Variants in NSD3 observed in about 807,000 individuals in gnomAD.
NSD3 encodes the protein nuclear receptor binding SET domain protein 3.
NSD3 carries 24 observed loss-of-function variants against 160.8 expected under a neutral mutation model. The observed-to-expected ratio is 0.15, with a 90% CI of 0.11 to 0.21. The LOEUF (loss-of-function observed/expected upper bound fraction) is 0.21, where lower values mean the gene tolerates loss of function less well. Ranked by LOEUF, NSD3 falls within the 10% of genes least tolerant of loss-of-function variation. The probability of loss-of-function intolerance (pLI) is 1.00; values close to 1 mark genes in which losing one functional copy is unlikely to be tolerated. For synonymous variants in NSD3, 520 were observed against 600.0 expected, an observed-to-expected ratio of 0.87 and a Z score of 1.95; for missense variants, 1,157 against 1,735.9, an observed-to-expected ratio of 0.67 and a Z score of 5.93.
At position 38,329,382 on chromosome 8, in the gene NSD3, G is replaced by T. The variant is rs760215302; in HGVS notation, c.1577C>A (p.Thr526Lys). The change falls in exon 6 of 24, where the codon ACA becomes AAA. Residue 526 changes from threonine (T) to lysine (K), a missense_variant. Transcript: ENST00000317025. The surrounding 1 kb of genome is among the most constrained non-coding windows in gnomAD (Gnocchi z 4.8). The part of the protein sequence containing the change: ...GKFIDQFVYS[T>K]KGIGNKTEIS... ...CTCCACGAAAAAAGGAGGTACCTTTGTTGAATAAACAAATTGATCGATAAA... is the reference window on the plus strand; with the variant it reads ...CTCCACGAAAAAAGGAGGTACCTTTTTTGAATAAACAAATTGATCGATAAA... 2 of 1,606,434 alleles carry T rather than the reference G, an allele frequency of 1.2e-6. No homozygotes were observed. The highest frequency in any genetic ancestry group is 1.1e-5 in the South Asian group (1 of 90,726).
chr8:38,303,228 A>G (rs1809316074), intron 14 of NSD3: 3 of 985,110 alleles, frequency 3.0e-6, no homozygotes, highest in South Asian at 4.7e-5. Flanking sequence ...TGATAATACA[A>G]TAATTTTTTC....
intron 1 of NSD3, among the ~76,000 whole-genome samples, chr8:38,370,605 C>A (rs758413129): frequency 1.4e-4 from 22 of 152,062 alleles, no homozygotes; most frequent in Non-Finnish European, 1.0e-4. Flanking sequence ...TGTTGTGTTC[C>A]TGTATACTGT....
intron 18 of NSD3, 104 bp downstream of exon 18, chr8:38,289,289 G>C: frequency 9.5e-7 from 1 of 1,057,724 alleles, no homozygotes; most frequent in Non-Finnish European, 1.4e-6. Context: ...CTACTAAAGA[G>C]TAATGCATTT....
intron 1 of NSD3, among the ~76,000 whole-genome samples, chr8:38,360,523 T>C (rs1412490005): frequency 1.3e-5 from 2 of 152,228 alleles, no homozygotes; most frequent in East Asian, 1.9e-4. Context: ...TTTAAGGCTA[T>C]GATTTAGGGG....
Position 38,288,761 on chromosome 8 carries a change from A to G in NSD3, c.3232-5T>C. 6.2e-7 allele frequency: 1 copy of G among 1,609,904 alleles called. No individual in the cohort carries two copies. Among genetic ancestry groups the G allele is most frequent in the Non-Finnish European group, 8.5e-7 (1 of 1,176,340 alleles). On this transcript the variant is annotated splice_polypyrimidine_tract_variant and splice_region_variant and intron_variant, in intron 18 of 23. Coordinates refer to ENST00000317025, the MANE Select transcript of NSD3 (RefSeq NM_023034.2). The surrounding 1 kb of genome is among the most constrained non-coding windows in gnomAD (Gnocchi z 4.5). Reference sequence around the variant, plus strand: ...CTTTCCTATTACTTTGTTAGCCTAGAAAACAAAATCGCAAGCGAGAGAGAG... The same window carrying G: ...CTTTCCTATTACTTTGTTAGCCTAGGAAACAAAATCGCAAGCGAGAGAGAG...
chr8:38,363,893 G>A (rs1811045775), intron 1 of NSD3: 1 of 152,218 alleles, frequency 6.6e-6, no homozygotes, highest in South Asian at 2.1e-4. Flanking sequence ...TCAGTTTCAG[G>A]AGCATCCCTA....
chr8:38,358,906 G>A lies in NSD3; in HGVS notation c.-44-10691C>T, dbSNP rs927221766. On this transcript the variant is annotated intron_variant, in intron 1 of 23. Coordinates refer to ENST00000317025, the MANE Select transcript of NSD3 (RefSeq NM_023034.2). ...AAATTGACACCAAGAAGTAAATGGG[G>A]GGAAAGGAACAGTTAATTTTTTTTT... Among the ~76,000 whole-genome samples the A allele has an allele frequency of 1.5e-4, 23 of 150,810 alleles. 1 individual carries two copies. In the East Asian group the frequency reaches 3.9e-3, roughly 25 times the overall value.
At chr8:38,352,626 G>A (rs938632621) in intron 1 of NSD3, among the ~76,000 whole-genome samples, 1 of 152,114 alleles carries the variant, frequency 6.6e-6, no homozygotes, top group African/African-American at 2.4e-5. Context: ...TTTGTTTTGA[G>A]ATAGGGTCTC....
At position 38,348,047 on chromosome 8, in the gene NSD3, T is replaced by G; in HGVS notation, c.125A>C (p.Glu42Ala). Residue 42 changes from glutamate to alanine, a missense_variant, in exon 2 of 24, where the codon GAA becomes GCA. By Grantham distance (107) the Glu-to-Ala change is moderately radical. Around this residue, in one of 10 missense-constraint regions of NSD3, gnomAD observed 121 missense variants for 177.2 expected, o/e 0.68. Coordinates refer to ENST00000317025, the MANE Select transcript of NSD3 (RefSeq NM_023034.2). The part of the protein sequence containing the change: ...DAFDNNSDIA[E>A]DGGQTPYEAT... ...TTCATATGGTGTCTGGCCACCATCT[T>G]CAGCAATGTCACTGTTGTTATCAAA... 1.9e-6 allele frequency: 3 copies of G among 1,614,206 alleles called. No homozygotes were observed. Among genetic ancestry groups the G allele is most frequent in the Non-Finnish European group, 2.5e-6 (3 of 1,180,040 alleles).
chr8:38,334,387 TA>T (rs997237990), intron 4 of NSD3, among the ~76,000 whole-genome samples: 1 of 152,178 alleles, frequency 6.6e-6, no homozygotes, highest in African/African-American at 2.4e-5. Flanking sequence ...GAACATGTTC[TA>T]AAATAGATTG....
intron 1 of NSD3, among the ~76,000 whole-genome samples, chr8:38,359,633 G>C (rs1328172679): frequency 1.3e-5 from 2 of 152,160 alleles, no homozygotes; most frequent in Admixed American, 1.3e-4. Flanking sequence ...AGCTAGAATC[G>C]ATAGGATCTA....
chr8:38,378,321 T>C (rs1024810396), intron 1 of NSD3, among the ~76,000 whole-genome samples: 1 of 151,526 alleles, frequency 6.6e-6, no homozygotes, highest in African/African-American at 2.4e-5. Flanking sequence ...CTGGCCAACA[T>C]AGTGAAACCC....
chr8:38,364,204 G>A (rs551413393), intron 1 of NSD3, among the ~76,000 whole-genome samples: 2 of 152,216 alleles, frequency 1.3e-5, no homozygotes, highest in South Asian at 4.1e-4. Context: ...TTGAACCTGG[G>A]AGGTGGAGGT....
chr8:38,275,988 T>C (rs1808592138), intron 23 of NSD3, 106 bp from the exon 24 acceptor site: 1 of 983,504 alleles, frequency 1.0e-6, no homozygotes, highest in Non-Finnish European at 1.5e-6. Context: ...GGAGATGGAA[T>C]TCAATTGAAT....
At chr8:38,338,642 G>T in intron 2 of NSD3, 35 bp from the exon 3 acceptor site, 1 of 1,522,396 alleles carries the variant, frequency 6.6e-7, no homozygotes, top group Non-Finnish European at 9.1e-7. Flanking sequence ...AGAATAAAAT[G>T]GCATTAAATA....
intron 1 of NSD3, among the ~76,000 whole-genome samples, chr8:38,377,060 G>A (rs1811408363): frequency 6.6e-6 from 1 of 152,014 alleles, no homozygotes; most frequent in South Asian, 2.1e-4. Context: ...TCTTTGTTTT[G>A]TTTTGTTTTT....
Position 38,370,128 on chromosome 8 carries a change from C to A in NSD3, c.-45+11671G>T, listed in dbSNP as rs986677619. Among the ~76,000 whole-genome samples the A allele has an allele frequency of 3.9e-5, 6 of 152,228 alleles. 1 individual carries two copies. In the South Asian group the frequency reaches 1.2e-3, roughly 32 times the overall value. ...AGTTTTTAAAAAATGTTTTGTTAAA[C>A]GGCTTAAGCGAACATAACAAAAGAA... On this transcript the variant is annotated intron_variant, in intron 1 of 23. Coordinates refer to ENST00000317025, the MANE Select transcript of NSD3 (RefSeq NM_023034.2).
chr8:38,313,361 A>G (rs1312330698), intron 12 of NSD3, among the ~76,000 whole-genome samples: 3 of 152,186 alleles, frequency 2.0e-5, no homozygotes, highest in African/African-American at 7.2e-5. Context: ...CAGAGTCATC[A>G]TGGGCTATCT....
intron 12 of NSD3, among the ~76,000 whole-genome samples, chr8:38,305,684 T>G (rs1434782829): frequency 6.6e-6 from 1 of 152,220 alleles, no homozygotes; most frequent in Non-Finnish European, 1.5e-5. Context: ...TCTCCAAAAC[T>G]GATTCCATAG....
Sources: allele counts gnomAD v4.1 joint callset (sites outside exome capture counted in the v4.1 genomes callset), GRCh38; gene constraint gnomAD v4.1.1; regional missense constraint gnomAD v4.1.1; non-coding constraint Gnocchi (gnomAD v3.1); transcripts MANE v1.5; gene names NCBI Gene and HGNC (gene_info 2026-07-23, HGNC 2026-07-21).